SCLY: variants seen among roughly 807,000 people sequenced by gnomAD.
SCLY encodes putative selenocysteine lyase.
A neutral mutation model predicts 50.1 loss-of-function variants in SCLY; 38 were observed. The ratio of observed to expected loss-of-function variants is 0.76; its 90% CI spans 0.59 to 0.99. The LOEUF (loss-of-function observed/expected upper bound fraction) is 0.99. SCLY is among the 50% of genes least tolerant of loss of function. SCLY has a pLI of 0.00. For synonymous variants in SCLY, 243 were observed against 249.4 expected (o/e 0.97, Z 0.24); for missense variants, 600 against 620.0 (o/e 0.97, Z 0.34).
chr2:238,078,435 A>G (rs2065195978), intron 4 of SCLY: 1 of 151,856 alleles, frequency 6.6e-6, no homozygotes, highest in Non-Finnish European at 1.5e-5. Flanking sequence ...ATTAACGAAT[A>G]TTTTCTAATT....
At chr2:238,098,144 G>A (rs764986199) in intron 11 of SCLY, 58 bp from the exon 12 acceptor site, 13 of 1,577,544 alleles carry the variant, frequency 8.2e-6, no homozygotes, top group Non-Finnish European at 1.1e-5. Flanking sequence ...AGCAGGGGGG[G>A]CTGTGTCTCT....
rs1163824225 is a variant in SCLY, at chr2:238,061,036, C to A, written c.-19C>A. The stretch of plus-strand genomic sequence containing the variant: ...CTCCGCGGGAAGGAGGCTGGATGCC[C>A]GGCAGCAGTGGGGCGGGGATGGAGG... On this transcript the variant is annotated 5_prime_UTR_variant, in exon 1 of 12. Coordinates refer to ENST00000254663, the MANE Select transcript of SCLY (RefSeq NM_016510.7). 2 of 1,369,194 alleles carry A rather than the reference C, an allele frequency of 1.5e-6. No homozygotes were observed. The highest frequency in any genetic ancestry group is 1.5e-5 in the African/African-American group (1 of 65,016). 84.8% of individuals were successfully genotyped at this position (1,369,194 alleles called of 1,614,324 possible). A position where few individuals can be genotyped will look rare whatever the true frequency, so the allele number is the denominator to read the frequency against.
chr2:238,084,820 G>C (rs1390276834), intron 7 of SCLY, among the ~76,000 whole-genome samples: 2 of 150,618 alleles, frequency 1.3e-5, no homozygotes. Context: ...TTTGAACCCG[G>C]GAGGCGGAGG....
rs777452792 is a variant in SCLY, at chr2:238,069,339, G to A, written c.346G>A (p.Ala116Thr). The part of the protein sequence containing the change: ...VIHSVVKHFH[A>T]NQTSKGHTGG... ...CCATTCTGTGGTGAAACATTTCCAC[G>A]CAAACCAGACCTCAAAGGGACACAC... Residue 116 changes from alanine (A) to threonine (T), a missense_variant, in exon 4 of 12, where the codon GCA (alanine) becomes ACA (threonine). Coordinates refer to ENST00000254663, the MANE Select transcript of SCLY (RefSeq NM_016510.7). The surrounding 1 kb of genome is among the most constrained non-coding windows in gnomAD (Gnocchi z 5.0). 49 of 1,613,558 alleles carry A rather than the reference G, an allele frequency of 3.0e-5. 1 individual carries two copies. The South Asian group carries it at 4.7e-4, about 16-fold the overall frequency.
At chr2:238,065,861 G>C (rs1049464989) in intron 2 of SCLY, among the ~76,000 whole-genome samples, 12 of 151,926 alleles carry the variant, frequency 7.9e-5, no homozygotes, top group African/African-American at 2.9e-4. Context: ...TTTTAGTAGA[G>C]ACGGGGTTTC....
At chr2:238,089,084 A>G (rs62195997) in intron 7 of SCLY, among the ~76,000 whole-genome samples, 49,410 of 152,162 alleles carry the variant, frequency 0.32, 9,993 homozygotes, top group Admixed American at 0.44. Context: ...AGGACACAAG[A>G]TAAACATGCA....
chr2:238,098,807 C>T lies in SCLY; in HGVS notation c.*452C>T, dbSNP rs899435382. On this transcript the variant is annotated 3_prime_UTR_variant, in exon 12 of 12. Coordinates refer to ENST00000254663, the MANE Select transcript of SCLY (RefSeq NM_016510.7). ...CCAAGTATTTATAACTCATTGTCAG[C>T]CAAATGCTATCATGAACGTAGGAAA... 2.6e-5 allele frequency: 9 copies of T among 346,842 alleles called. 1 individual carries two copies. Among genetic ancestry groups the T allele is most frequent in the Non-Finnish European group, 4.6e-5 (9 of 194,670 alleles). The allele number at this position is 346,842 out of a possible 1,614,324, so 21.5% of individuals were successfully genotyped here.
intron 4 of SCLY, among the ~76,000 whole-genome samples, chr2:238,074,216 G>T (rs942619704): frequency 1.3e-5 from 2 of 151,756 alleles, no homozygotes; most frequent in Admixed American, 6.6e-5. Flanking sequence ...TGAGGCAGGA[G>T]AATCACTTGA....
At chr2:238,073,733 C>CT in intron 4 of SCLY, 1 of 467,590 alleles carries the variant, frequency 2.1e-6, no homozygotes, top group Non-Finnish European at 4.4e-6. Context: ...CCTATCTCTA[C>CT]TGTCTCTGTG....
chr2:238,071,959 C>T (rs1361270385), intron 4 of SCLY, among the ~76,000 whole-genome samples: 2 of 152,144 alleles, frequency 1.3e-5, no homozygotes, highest in Non-Finnish European at 2.9e-5. Flanking sequence ...GCCATCACCA[C>T]TATATTTTTC....
At position 238,098,629 on chromosome 2, in the gene SCLY, ACATGGGACCGCCCACATGGGAC is replaced by A. The variant is rs1559254739; in HGVS notation, c.*276_*297del. On this transcript the variant is annotated 3_prime_UTR_variant, in exon 12 of 12. Coordinates refer to ENST00000254663, the MANE Select transcript of SCLY (RefSeq NM_016510.7). ...TAGGACCGCCCACATGGGACCGCCC[ACATGGGACCGCCCACATGGGAC>A]CGCCCACATAGAACCGTCCTCCAGT... 4.9e-4 allele frequency: 177 copies of A among 361,428 alleles called. 2 individuals carry two copies. Among genetic ancestry groups the A allele is most frequent in the East Asian group, 8.6e-4 (24 of 27,886 alleles). The allele number at this position is 361,428 out of a possible 1,614,324, so 22.4% of individuals were successfully genotyped here. A position where few individuals can be genotyped will look rare whatever the true frequency, so the allele number is the denominator to read the frequency against.
At chr2:238,082,566 G>A (rs962959260) in intron 6 of SCLY, among the ~76,000 whole-genome samples, 12 of 152,226 alleles carry the variant, frequency 7.9e-5, no homozygotes, top group Non-Finnish European at 1.3e-4. Context: ...GAGGGTGTGG[G>A]GTGGAAGATG....
In SCLY at chr2:238,083,609, C is replaced by T. The variant is rs1191826200; in HGVS notation, c.884+255C>T. On this transcript the variant is annotated intron_variant, in intron 7 of 11. Coordinates refer to ENST00000254663, the MANE Select transcript of SCLY (RefSeq NM_016510.7). This position sits in a 1 kb window ranked among gnomAD's most constrained non-coding sequence, Gnocchi z 4.3. ...TTTAACTGCTCCAATGCATCCAATT[C>T]CCCTTGTAATTTTGGCCCAGCCCAC... Among the ~76,000 whole-genome samples the T allele has an allele frequency of 6.6e-6, 1 of 152,206 alleles. No homozygotes were observed. Among genetic ancestry groups the T allele is most frequent in the East Asian group, 1.9e-4 (1 of 5,200 alleles).
chr2:238,098,895 G>A lies in SCLY; in HGVS notation c.*540G>A. ...CCTTTCCAGAGTGGTCTCTTCTCAGGCCCTTTTTAGTCCCTTTCCAAAGCT... is the reference window on the plus strand; with the variant it reads ...CCTTTCCAGAGTGGTCTCTTCTCAGACCCTTTTTAGTCCCTTTCCAAAGCT... On this transcript the variant is annotated 3_prime_UTR_variant, in exon 12 of 12. Transcript: ENST00000254663. 1 of 221,244 alleles carries A rather than the reference G, an allele frequency of 4.5e-6. No individual in the cohort carries two copies. The highest frequency in any genetic ancestry group is 8.8e-6 in the Non-Finnish European group (1 of 113,080). The allele number at this position is 221,244 out of a possible 1,614,324, so 13.7% of individuals were successfully genotyped here. A position where few individuals can be genotyped will look rare whatever the true frequency, so the allele number is the denominator to read the frequency against.
At chr2:238,065,822 G>A (rs555559062) in intron 2 of SCLY, among the ~76,000 whole-genome samples, 3 of 152,018 alleles carry the variant, frequency 2.0e-5, no homozygotes, top group African/African-American at 4.8e-5. Context: ...CTAGAGGCAC[G>A]CGCCACCATG....
intron 7 of SCLY, among the ~76,000 whole-genome samples, chr2:238,084,276 G>A (rs1339549857): frequency 6.6e-6 from 1 of 152,184 alleles, no homozygotes; most frequent in Middle Eastern, 3.2e-3. Context: ...CTCCCATTGG[G>A]TGTCAACATC....
Position 238,099,164 on chromosome 2 carries a change from CA to C in SCLY, c.*810del, listed in dbSNP as rs1691384522. 6.7e-6 allele frequency: 3 copies of C among 450,990 alleles called. No homozygotes were observed. Among genetic ancestry groups the C allele is most frequent in the Non-Finnish European group, 1.4e-5 (3 of 216,942 alleles). The allele number at this position is 450,990 out of a possible 1,614,324, so 27.9% of individuals were successfully genotyped here. A position where few individuals can be genotyped will look rare whatever the true frequency, so the allele number is the denominator to read the frequency against. On this transcript the variant is annotated 3_prime_UTR_variant, in exon 12 of 12. Coordinates refer to ENST00000254663, the MANE Select transcript of SCLY (RefSeq NM_016510.7). Reference sequence around the variant, plus strand: ...CAACCTCGCTGAGTTGGTGCAGCTCCAGGTCATTCCTGGGGTGGGAATCGGA... The same window carrying C: ...CAACCTCGCTGAGTTGGTGCAGCTCCGGTCATTCCTGGGGTGGGAATCGGA...
At position 238,098,734 on chromosome 2, in the gene SCLY, G is replaced by A. The variant is rs1691367695; in HGVS notation, c.*379G>A. The A allele has an allele frequency of 9.4e-6, 3 of 320,624 alleles. No homozygotes were observed. Among genetic ancestry groups the A allele is most frequent in the African/African-American group, 7.0e-5 (3 of 42,738 alleles). 19.9% of individuals were successfully genotyped at this position (320,624 alleles called of 1,614,324 possible). ...TCCCCACTGGGAACTGGGCACGCCT[G>A]TTGTGAGTGCCCTTTCCTGGAAGGT... On this transcript the variant is annotated 3_prime_UTR_variant, in exon 12 of 12. Transcript: ENST00000254663.
intron 7 of SCLY, among the ~76,000 whole-genome samples, chr2:238,084,124 G>C (rs1325407960): frequency 6.6e-6 from 1 of 152,194 alleles, no homozygotes; most frequent in African/African-American, 2.4e-5. Flanking sequence ...CACCAATACA[G>C]GCTGTAACAA....
Sources: allele counts gnomAD v4.1 joint callset (sites outside exome capture counted in the v4.1 genomes callset), GRCh38; gene constraint gnomAD v4.1.1; non-coding constraint Gnocchi (gnomAD v3.1); transcripts MANE v1.5; gene names NCBI Gene and HGNC (gene_info 2026-07-23, HGNC 2026-07-21).